The following NTN1 variants were observed in gnomAD, a reference collection of about 807,000 sequenced individuals.
NTN1 encodes the protein netrin 1.
Under a neutral mutation model 54.2 loss-of-function variants are expected in NTN1, and 11 were observed. That is an observed-to-expected ratio of 0.20 (90% CI 0.13 to 0.34). The LOEUF (loss-of-function observed/expected upper bound fraction) is 0.34. Among genes scored for constraint, NTN1 ranks in the 10% least tolerant of loss-of-function variants. NTN1 has a pLI of 1.00. For synonymous variants in NTN1, 371 were observed against 382.0 expected, an observed-to-expected ratio of 0.97 and a Z score of 0.33; for missense variants, 740 against 893.1, an observed-to-expected ratio of 0.83 and a Z score of 2.18.
the NTN1 span, among the ~76,000 whole-genome samples, chr17:9,007,300 T>C: frequency 6.7e-6 from 1 of 148,774 alleles, no homozygotes; most frequent in Non-Finnish European, 1.5e-5. Flanking sequence ...TCCTTCTTTC[T>C]TTCTTTCCCT....
At chr17:9,102,564 C>T (rs979863173) in intron 2 of NTN1, among the ~76,000 whole-genome samples, 1 of 152,122 alleles carries the variant, frequency 6.6e-6, no homozygotes, top group Non-Finnish European at 1.5e-5. Flanking sequence ...ACCATATCAG[C>T]GGCATCTACT....
At chr17:9,139,112 C>A (rs190814735) in intron 2 of NTN1, among the ~76,000 whole-genome samples, 1 of 152,158 alleles carries the variant, frequency 6.6e-6, no homozygotes, top group Non-Finnish European at 1.5e-5. Context: ...CAAGCATAGT[C>A]TTTCGTGGAG....
intron 2 of NTN1, among the ~76,000 whole-genome samples, chr17:9,104,088 CAAAAAAAAA>C (rs55732200): frequency 1.4e-5 from 1 of 70,838 alleles, no homozygotes; most frequent in African/African-American, 6.0e-5. Flanking sequence ...GACTCCATCT[CAAAAAAAAA>C]AAAAAAAAAA....
intron 2 of NTN1, among the ~76,000 whole-genome samples, chr17:9,056,630 G>C (rs2091980284): frequency 6.6e-6 from 1 of 152,180 alleles, no homozygotes; most frequent in Non-Finnish European, 1.5e-5. Flanking sequence ...AGAGTGTGTG[G>C]GGTGCTGAGT....
intron 2 of NTN1, among the ~76,000 whole-genome samples, chr17:9,122,743 T>A (rs2092235272): frequency 6.6e-6 from 1 of 152,268 alleles, no homozygotes; most frequent in Non-Finnish European, 1.5e-5. Flanking sequence ...ACGATGTTAA[T>A]ACCCTGTGGT....
chr17:9,053,904 G>A (rs545896536), intron 2 of NTN1, among the ~76,000 whole-genome samples: 43 of 152,176 alleles, frequency 2.8e-4, no homozygotes, highest in Non-Finnish European at 5.4e-4. Flanking sequence ...ATGAAGGTGG[G>A]CCATGCTTCA....
chr17:9,185,139 TG>T (rs2092429492), intron 5 of NTN1, among the ~76,000 whole-genome samples: 1 of 152,186 alleles, frequency 6.6e-6, no homozygotes, highest in Admixed American at 6.5e-5. Flanking sequence ...TGCCCTACTC[TG>T]GGGGTCCTCG....
intron 6 of NTN1, among the ~76,000 whole-genome samples, chr17:9,227,833 C>T (rs970612567): frequency 2.6e-5 from 4 of 151,466 alleles, no homozygotes; most frequent in African/African-American, 9.7e-5. Context: ...ACACACATAC[C>T]ACACGCATTA....
At chr17:9,134,185 G>C (rs1018500640) in intron 2 of NTN1, among the ~76,000 whole-genome samples, 2 of 152,150 alleles carry the variant, frequency 1.3e-5, no homozygotes, top group African/African-American at 4.8e-5. Context: ...TTACAGGCAT[G>C]AGCCACCACA....
chr17:9,189,352 G>C (rs759648535), intron 5 of NTN1, among the ~76,000 whole-genome samples: 4 of 151,792 alleles, frequency 2.6e-5, no homozygotes, highest in Non-Finnish European at 5.9e-5. Flanking sequence ...CAGAAGTTAT[G>C]TTTTTGTTTG....
At chr17:9,189,498 C>T (rs1316949487) in intron 5 of NTN1, among the ~76,000 whole-genome samples, 6 of 152,270 alleles carry the variant, frequency 3.9e-5, no homozygotes, top group Non-Finnish European at 5.9e-5. Context: ...ATTATAGGCA[C>T]GTGCCACTAC....
chr17:9,156,113 C>T (rs1337621306), intron 2 of NTN1, among the ~76,000 whole-genome samples: 1 of 152,198 alleles, frequency 6.6e-6, no homozygotes, highest in Non-Finnish European at 1.5e-5. Context: ...TCCCAACCTG[C>T]CCATGTGGCC....
chr17:9,152,622 G>A (rs899320616), intron 2 of NTN1, among the ~76,000 whole-genome samples: 2 of 152,136 alleles, frequency 1.3e-5, no homozygotes, highest in African/African-American at 2.4e-5. Flanking sequence ...TCTTCACAGC[G>A]TCATTACCTA....
rs1425264637 is a variant in NTN1, at chr17:9,239,904, C to G, written c.1751C>G (p.Thr584Arg). ...KSSLVIQWRD[T>R]WARRLRKFQQ... The stretch of plus-strand genomic sequence containing the variant: ...AGCCTGGTGATCCAGTGGCGGGACA[C>G]GTGGGCGCGGCGGCTGCGCAAGTTC... The change falls in exon 7 of 7, where the codon ACG becomes AGG. Residue 584 changes from threonine to arginine, a missense_variant. Transcript: ENST00000173229. This position sits in a 1 kb window ranked among gnomAD's most constrained non-coding sequence, Gnocchi z 5.2. 2 of 1,349,136 alleles carry G rather than the reference C, an allele frequency of 1.5e-6. No homozygotes were observed. The highest frequency in any genetic ancestry group is 4.1e-5 in the Admixed American group (2 of 48,202). The allele number at this position is 1,349,136 out of a possible 1,614,324, so 83.6% of individuals were successfully genotyped here.
intron 2 of NTN1, among the ~76,000 whole-genome samples, chr17:9,087,384 G>C (rs1009771677): frequency 6.6e-6 from 1 of 152,092 alleles, no homozygotes; most frequent in Non-Finnish European, 1.5e-5. Context: ...TTGAGTGTAG[G>C]GCAAGGTCTG....
intron 2 of NTN1, among the ~76,000 whole-genome samples, chr17:9,038,883 A>AGT (rs2091912328): frequency 6.6e-6 from 1 of 152,184 alleles, no homozygotes; most frequent in Non-Finnish European, 1.5e-5. Flanking sequence ...CCTTGTTGCC[A>AGT]GAACTCGAAG....
intron 2 of NTN1, among the ~76,000 whole-genome samples, chr17:9,097,530 C>T (rs1225255265): frequency 6.6e-6 from 1 of 152,102 alleles, no homozygotes; most frequent in Non-Finnish European, 1.5e-5. Flanking sequence ...GAGGCTGAGG[C>T]AGGATAATCG....
In NTN1 at chr17:9,135,953, C is replaced by T. The variant is rs1243681954; in HGVS notation, c.1019-26860C>T. ...GTCTGTGTGCGCACGCTCACTCATA[C>T]ATGTGTGCACGTGCCTACTCAAACT... On this transcript the variant is annotated intron_variant, in intron 2 of 6. Coordinates refer to ENST00000173229, the MANE Select transcript of NTN1 (RefSeq NM_004822.3). The surrounding 1 kb of genome is among the most constrained non-coding windows in gnomAD (Gnocchi z 4.4). Among the ~76,000 whole-genome samples, 15 of 152,238 alleles carry T rather than the reference C, an allele frequency of 9.9e-5. No homozygotes were observed. Among genetic ancestry groups the T allele is most frequent in the Non-Finnish European group, 1.6e-4 (11 of 68,040 alleles).
At chr17:9,199,541 C>G (rs1312741077) in intron 5 of NTN1, among the ~76,000 whole-genome samples, 2 of 152,300 alleles carry the variant, frequency 1.3e-5, no homozygotes, top group Non-Finnish European at 2.9e-5. Context: ...CATCACATGG[C>G]TCTGCCATCT....
Sources: allele counts gnomAD v4.1 joint callset (sites outside exome capture counted in the v4.1 genomes callset), GRCh38; gene constraint gnomAD v4.1.1; non-coding constraint Gnocchi (gnomAD v3.1); transcripts MANE v1.5; gene names NCBI Gene and HGNC (gene_info 2026-07-23, HGNC 2026-07-21).